The following RHOQ variants were observed in gnomAD, a reference collection of about 807,000 sequenced individuals.
RHOQ encodes rho-related GTP-binding protein RhoQ.
In RHOQ, 7 loss-of-function variants were observed where a neutral mutation model predicts 25.8. The observed-to-expected ratio is 0.27, with a 90% CI of 0.15 to 0.51. The LOEUF (loss-of-function observed/expected upper bound fraction) is 0.51. RHOQ is among the 20% of genes least tolerant of loss of function. The probability of loss-of-function intolerance (pLI) is 0.97; values close to 1 mark genes in which losing one functional copy is unlikely to be tolerated. For synonymous variants in RHOQ, 97 were observed against 98.6 expected (o/e 0.98, Z 0.10); for missense variants, 165 against 260.6 (o/e 0.63, Z 2.53).
chr2:46,562,749 A>T (rs1668613585), intron 2 of RHOQ, among the ~76,000 whole-genome samples: 1 of 152,156 alleles, frequency 6.6e-6, no homozygotes, highest in Admixed American at 6.5e-5. Flanking sequence ...TTTGAGATAT[A>T]TCAGTTTAGC....
In RHOQ at chr2:46,584,646, C is replaced by T. The variant is rs1336907100; in HGVS notation, c.*3563C>T. 6.6e-6 allele frequency among the ~76,000 whole-genome samples: 1 copy of T among 152,102 alleles called. No homozygotes were observed. Among genetic ancestry groups the T allele is most frequent in the Admixed American group, 6.5e-5 (1 of 15,278 alleles). Reference sequence around the variant, plus strand: ...TGTTATGTAAATCAAGAAGTGCATGCCATCAGCAAATTAAAATGTGGACTG... The same window carrying T: ...TGTTATGTAAATCAAGAAGTGCATGTCATCAGCAAATTAAAATGTGGACTG... On this transcript the variant is annotated 3_prime_UTR_variant, in exon 5 of 5. Coordinates refer to ENST00000238738, the MANE Select transcript of RHOQ (RefSeq NM_012249.4).
At chr2:46,547,267 C>T (rs890027899) in intron 2 of RHOQ, among the ~76,000 whole-genome samples, 1 of 152,178 alleles carries the variant, frequency 6.6e-6, no homozygotes, top group Non-Finnish European at 1.5e-5. Context: ...ACCTCTAGTC[C>T]ACTTGCTCAC....
intron 2 of RHOQ, among the ~76,000 whole-genome samples, chr2:46,544,367 C>T (rs1321606132): frequency 6.6e-6 from 1 of 152,324 alleles, no homozygotes; most frequent in East Asian, 1.9e-4. Context: ...AAAGAAACAA[C>T]AACCATGTAG....
Position 46,580,946 on chromosome 2 carries a change from G to A in RHOQ, c.481G>A (p.Val161Met). 6.5e-7 allele frequency: 1 copy of A among 1,527,322 alleles called. No individual in the cohort carries two copies. The highest frequency in any genetic ancestry group is 8.7e-7 in the Non-Finnish European group (1 of 1,143,402). 94.6% of individuals were successfully genotyped at this position (1,527,322 alleles called of 1,614,324 possible). ...LAKEIGACCY[V>M]ECSALTQKGL... ...CTCCCAGATAGGAGCATGCTGCTAT[G>A]TGGAATGTTCAGCTTTAACCCAGAA... The change falls in exon 5 of 5, where the codon GTG (valine) becomes ATG (methionine). Residue 161 changes from valine to methionine, a missense_variant. Physicochemically the swap from Val to Met is conservative, Grantham distance 21 (BLOSUM62 1). Transcript: ENST00000238738.
At chr2:46,543,363 C>T (rs1022306054) in intron 1 of RHOQ, 175 bp downstream of exon 1, 3 of 663,472 alleles carry the variant, frequency 4.5e-6, no homozygotes, top group Admixed American at 2.9e-5. Context: ...AACCCCTCGC[C>T]CGCTGATCCA....
intron 2 of RHOQ, among the ~76,000 whole-genome samples, chr2:46,575,697 T>C (rs2104028953): frequency 6.6e-6 from 1 of 152,340 alleles, no homozygotes; most frequent in South Asian, 2.1e-4. Context: ...AGAGAGCATA[T>C]AGACTAGTGC....
At chr2:46,567,102 T>C (rs1416928413) in intron 2 of RHOQ, among the ~76,000 whole-genome samples, 3 of 152,218 alleles carry the variant, frequency 2.0e-5, no homozygotes, top group Non-Finnish European at 4.4e-5. Flanking sequence ...TAAATCAGTA[T>C]AACATCCTGG....
At chr2:46,574,852 A>G (rs1669056917) in intron 2 of RHOQ, among the ~76,000 whole-genome samples, 1 of 152,212 alleles carries the variant, frequency 6.6e-6, no homozygotes, top group East Asian at 1.9e-4. Flanking sequence ...TGAAACTCCA[A>G]GTGGAAGATG....
intron 2 of RHOQ, chr2:46,560,398 C>T: frequency 2.1e-5 from 7 of 329,288 alleles, no homozygotes; most frequent in South Asian, 1.6e-4. Flanking sequence ...TTGGCTGGGA[C>T]TTAACTGAAG....
At chr2:46,568,432 G>A (rs1487246290) in intron 2 of RHOQ, 1 of 152,170 alleles carries the variant, frequency 6.6e-6, no homozygotes, top group Non-Finnish European at 1.5e-5. Flanking sequence ...TCATGACCAC[G>A]GGGAGGTTGT....
At chr2:46,546,399 TAAA>T (rs1396909112) in intron 2 of RHOQ, among the ~76,000 whole-genome samples, 2 of 137,364 alleles carry the variant, frequency 1.5e-5, no homozygotes, top group Non-Finnish European at 3.1e-5. Context: ...AAAAAGTAAA[TAAA>T]AAACATTAAG....
At chr2:46,559,515 G>T (rs1222481262) in intron 2 of RHOQ, among the ~76,000 whole-genome samples, 1 of 152,186 alleles carries the variant, frequency 6.6e-6, no homozygotes, top group African/African-American at 2.4e-5. Flanking sequence ...GGGTTTCTCA[G>T]CTTCAGTACT....
intron 2 of RHOQ, among the ~76,000 whole-genome samples, chr2:46,544,579 G>A (rs1460246290): frequency 1.3e-5 from 2 of 152,220 alleles, no homozygotes; most frequent in African/African-American, 2.4e-5. Flanking sequence ...GCCAGGCTGT[G>A]CTTCTAAAGG....
Position 46,546,476 on chromosome 2 carries a change from G to GTA in RHOQ, c.201+2698_201+2699dup, listed in dbSNP as rs1553418898. ...CATATATATATATATATATATATGT[G>GTA]TATATATATATATATATATATATAT... On this transcript the variant is annotated intron_variant, in intron 2 of 4. Transcript: ENST00000238738. Among the ~76,000 whole-genome samples the GTA allele has an allele frequency of 6.1e-4, 8 of 13,102 alleles. No homozygotes were observed. The South Asian group carries it at 0.014, about 23-fold the overall frequency. 8.6% of individuals were successfully genotyped at this position (13,102 alleles called of 152,430 possible). A position where few individuals can be genotyped will look rare whatever the true frequency, so the allele number is the denominator to read the frequency against.
intron 2 of RHOQ, 81 bp downstream of exon 2, chr2:46,543,893 G>T (rs1667945088): frequency 1.6e-6 from 2 of 1,232,578 alleles, no homozygotes; most frequent in East Asian, 2.5e-5. Flanking sequence ...GGAAACCGAG[G>T]TGTCTAGGTG....
chr2:46,577,591 A>ATTTTTTTTTTTTTGTTTTTTTTTTTTTTT (rs1669179298), intron 4 of RHOQ, among the ~76,000 whole-genome samples: 1 of 69,370 alleles, frequency 1.4e-5, no homozygotes, highest in Non-Finnish European at 3.0e-5. Flanking sequence ...TTTTTTTTTC[A>ATTTTTTTTTTTTTGTTTTTTTTTTTTTTT]TTTTTAGTGG....
In RHOQ at chr2:46,548,267, T is replaced by C. The variant is rs1572734944; in HGVS notation, c.201+4455T>C. Among the ~76,000 whole-genome samples the C allele has an allele frequency of 1.3e-5, 2 of 152,228 alleles. No individual in the cohort carries two copies. Among genetic ancestry groups the C allele is most frequent in the Admixed American group, 1.3e-4 (2 of 15,290 alleles). On this transcript the variant is annotated intron_variant, in intron 2 of 4. Transcript: ENST00000238738. The surrounding 1 kb of genome is among the most constrained non-coding windows in gnomAD (Gnocchi z 5.2). ...TATAACCCAGCAGCTGTGGCTGCCC[T>C]GCATGCCCTCTGGGTGCCCACAAGG...
In RHOQ at chr2:46,581,477, G is replaced by T. The variant is rs375902379; in HGVS notation, c.*394G>T. On this transcript the variant is annotated 3_prime_UTR_variant, in exon 5 of 5. Coordinates refer to ENST00000238738, the MANE Select transcript of RHOQ (RefSeq NM_012249.4). ...CAAAGAAATATCTCCCTTTGCTCCA[G>T]TTAATTGTTCTTGTATGTAAGTTGC... 3.1e-6 allele frequency: 5 copies of T among 1,610,420 alleles called. No individual in the cohort carries two copies. The highest frequency in any genetic ancestry group is 2.5e-6 in the Non-Finnish European group (3 of 1,178,976).
In RHOQ at chr2:46,569,817, AT is replaced by A. The variant is rs2104016983; in HGVS notation, c.202-6268del. On this transcript the variant is annotated intron_variant, in intron 2 of 4. Transcript: ENST00000238738. The surrounding 1 kb of genome is among the most constrained non-coding windows in gnomAD (Gnocchi z 4.1). ...ATACCATTTCACAACTGAACTGAAAATTAAAAAAGAAAAGAAAACACCAGAT... is the reference window on the plus strand; with the variant it reads ...ATACCATTTCACAACTGAACTGAAAATAAAAAAGAAAAGAAAACACCAGAT... 6.6e-6 allele frequency among the ~76,000 whole-genome samples: 1 copy of A among 152,322 alleles called. No individual in the cohort carries two copies. The highest frequency in any genetic ancestry group is 1.5e-5 in the Non-Finnish European group (1 of 68,018).
Sources: gnomAD v4.1 joint callset for allele counts (sites outside exome capture counted in the v4.1 genomes callset) on GRCh38, gnomAD v4.1.1 for gene constraint, Gnocchi (gnomAD v3.1) non-coding constraint, MANE v1.5 for transcripts, NCBI Gene and HGNC (gene_info 2026-07-23, HGNC 2026-07-21) for gene names.